Variants in ROBO2 observed in about 807,000 individuals in gnomAD.
ROBO2 encodes the protein roundabout homolog 2.
Under a neutral mutation model 160.8 loss-of-function variants are expected in ROBO2, and 53 were observed. The observed-to-expected ratio is 0.33, with a 90% CI of 0.26 to 0.41. The LOEUF (loss-of-function observed/expected upper bound fraction) is 0.41, where lower values mean the gene tolerates loss of function less well. Among genes scored for constraint, ROBO2 ranks in the 10% least tolerant of loss-of-function variants. The probability of loss-of-function intolerance (pLI) is 1.00; values close to 1 mark genes in which losing one functional copy is unlikely to be tolerated. For synonymous variants in ROBO2, 664 were observed against 611.7 expected, an observed-to-expected ratio of 1.09 and a Z score of -1.26; for missense variants, 1,577 against 1,722.4, an observed-to-expected ratio of 0.92 and a Z score of 1.49.
intron 2 of ROBO2, among the ~76,000 whole-genome samples, chr3:75,994,019 A>G (rs750759894): frequency 7.2e-5 from 11 of 152,194 alleles, no homozygotes; most frequent in Admixed American, 2.0e-4. Flanking sequence ...GGGAGTATCT[A>G]GAGCCCTTTT....
intron 2 of ROBO2, among the ~76,000 whole-genome samples, chr3:77,316,514 A>C (rs2064004645): frequency 6.6e-6 from 1 of 152,098 alleles, no homozygotes; most frequent in Non-Finnish European, 1.5e-5. Context: ...GAAACTTGGC[A>C]TCTCACAGGG....
intron 2 of ROBO2, among the ~76,000 whole-genome samples, chr3:76,409,076 T>C (rs990091474): frequency 4.6e-4 from 70 of 152,168 alleles, no homozygotes; most frequent in Admixed American, 9.2e-4. Context: ...GTTTGACATA[T>C]GAAAGTTTCA....
At position 77,467,587 on chromosome 3, in the gene ROBO2, GTATCTATCTATCTATC is replaced by G. The variant is rs59640984; in HGVS notation, c.389-9798_389-9783del. 3.0e-3 allele frequency among the ~76,000 whole-genome samples: 440 copies of G among 148,252 alleles called. 1 individual carries two copies. Among genetic ancestry groups the G allele is most frequent in the African/African-American group, 0.01 (418 of 40,226 alleles). ...TGCTGGCTTTATCATCTATCTGTCT[GTATCTATCTATCTATC>G]TATCTATCTATCTATCTATCTATCT... On this transcript the variant is annotated intron_variant, in intron 2 of 25. Transcript: ENST00000461745.
At chr3:76,590,271 C>G (rs1338116331) in intron 2 of ROBO2, among the ~76,000 whole-genome samples, 1 of 152,130 alleles carries the variant, frequency 6.6e-6, no homozygotes, top group Admixed American at 6.5e-5. Flanking sequence ...ACTCTGTCTC[C>G]CAACCATACT....
chr3:76,241,398 G>T (rs1705276401), intron 2 of ROBO2, among the ~76,000 whole-genome samples: 1 of 152,204 alleles, frequency 6.6e-6, no homozygotes, highest in Admixed American at 6.5e-5. Context: ...CTGGTCATTT[G>T]CTATGTGCTG....
At chr3:77,233,290 A>C (rs955427410) in intron 2 of ROBO2, among the ~76,000 whole-genome samples, 1 of 152,202 alleles carries the variant, frequency 6.6e-6, no homozygotes, top group Admixed American at 6.5e-5. Context: ...TGATTAAAAT[A>C]ATGCAAAAGA....
chr3:76,178,200 A>G (rs557359934), intron 2 of ROBO2, among the ~76,000 whole-genome samples: 104 of 152,224 alleles, frequency 6.8e-4, no homozygotes, highest in African/African-American at 2.3e-3. Context: ...CAATATTCAC[A>G]CTTGGAAATC....
exon 20 of ROBO2, chr3:77,602,309 A>T (rs1559704086): frequency 1.9e-6 from 3 of 1,614,058 alleles, no homozygotes; most frequent in African/African-American, 1.3e-5. Flanking sequence ...AAAACCAGTT[A>T]CAACAGTTCC....
At position 77,316,741 on chromosome 3, in the gene ROBO2, A is replaced by G; in HGVS notation, c.389-160673A>G. 3 of 935,950 alleles carry G rather than the reference A, an allele frequency of 3.2e-6. No individual in the cohort carries two copies. The South Asian group carries it at 3.9e-5, about 12-fold the overall frequency. The allele number at this position is 935,950 out of a possible 1,614,324, so 58.0% of individuals were successfully genotyped here. On this transcript the variant is annotated intron_variant, in intron 2 of 25. Coordinates refer to ENST00000461745, the Ensembl canonical transcript of ROBO2. ...AAAATAGTTTAAATTAAACAATTGT[A>G]TGGTATTCATTCATGCTTGAAATTT...
At chr3:76,510,691 C>G (rs1360053171) in intron 2 of ROBO2, among the ~76,000 whole-genome samples, 1 of 151,880 alleles carries the variant, frequency 6.6e-6, no homozygotes, top group Non-Finnish European at 1.5e-5. Flanking sequence ...CCACTGCACT[C>G]CAGCCTGGGC....
intron 2 of ROBO2, among the ~76,000 whole-genome samples, chr3:76,883,833 G>A (rs534392027): frequency 9.8e-5 from 15 of 152,298 alleles, no homozygotes; most frequent in African/African-American, 2.9e-4. Context: ...TATATCATGA[G>A]AGAGTTTTGC....
At chr3:76,179,941 A>G (rs948456454) in intron 2 of ROBO2, among the ~76,000 whole-genome samples, 1 of 152,168 alleles carries the variant, frequency 6.6e-6, no homozygotes, top group African/African-American at 2.4e-5. Flanking sequence ...GTTTACAACT[A>G]TAGAACCGGT....
chr3:76,838,286 C>G (rs973378406), intron 2 of ROBO2, among the ~76,000 whole-genome samples: 87 of 151,918 alleles, frequency 5.7e-4, no homozygotes, highest in African/African-American at 2.1e-3. Context: ...TGGGTATTGG[C>G]CTTAATTCCT....
At chr3:76,666,854 A>G (rs1012225567) in intron 2 of ROBO2, among the ~76,000 whole-genome samples, 10 of 152,258 alleles carry the variant, frequency 6.6e-5, no homozygotes, top group African/African-American at 2.4e-4. Flanking sequence ...AAAATAACTA[A>G]TAATGATTTA....
intron 2 of ROBO2, among the ~76,000 whole-genome samples, chr3:77,169,033 A>G (rs1396511345): frequency 6.6e-6 from 1 of 152,214 alleles, no homozygotes. Context: ...AGAAGACTTA[A>G]GCACAAAGTA....
At chr3:77,563,250 A>G (rs1459109368) in exon 11 of ROBO2, 1 of 1,613,668 alleles carries the variant, frequency 6.2e-7, no homozygotes, top group East Asian at 2.2e-5. Flanking sequence ...TGATGTTACT[A>G]AGAACAGTGT....
chr3:76,441,787 T>G (rs2076936166), intron 2 of ROBO2, among the ~76,000 whole-genome samples: 1 of 152,218 alleles, frequency 6.6e-6, no homozygotes, highest in South Asian at 2.1e-4. Context: ...AGGAATAACT[T>G]GAAACTTCTT....
Position 77,318,270 on chromosome 3 carries a change from G to A in ROBO2, c.389-159144G>A, listed in dbSNP as rs1416148820. 5.9e-5 allele frequency among the ~76,000 whole-genome samples: 9 copies of A among 152,206 alleles called. No homozygotes were observed. In the South Asian group the frequency reaches 1.4e-3, roughly 25 times the overall value. ...GCTGGTCTTGAACTGCTGACCTCGG[G>A]CGATCCGCCCACCTCAGTCTCCCAA... On this transcript the variant is annotated intron_variant, in intron 2 of 25. Coordinates refer to ENST00000461745, the Ensembl canonical transcript of ROBO2.
intron 1 of ROBO2, among the ~76,000 whole-genome samples, chr3:75,909,091 A>G (rs1409095257): frequency 6.6e-6 from 1 of 152,186 alleles, no homozygotes; most frequent in Admixed American, 6.5e-5. Context: ...ATGCTCTTAT[A>G]TTTCATATGT....
Sources: gnomAD v4.1 joint callset for allele counts (sites outside exome capture counted in the v4.1 genomes callset) on GRCh38, gnomAD v4.1.1 for gene constraint, MANE v1.5 for transcripts, NCBI Gene and HGNC (gene_info 2026-07-23, HGNC 2026-07-21) for gene names.